AFF3: variants seen among roughly 807,000 people sequenced by gnomAD.
AFF3 encodes AF4/FMR2 family member 3.
Under a neutral mutation model 129.7 loss-of-function variants are expected in AFF3, and 32 were observed. That is an observed-to-expected ratio of 0.25 (90% CI 0.19 to 0.33). AFF3 has a LOEUF of 0.33. Ranked by LOEUF, AFF3 falls within the 10% of genes least tolerant of loss-of-function variation. The pLI is 1.00. For missense variants in AFF3, 1,373 were observed against 1,592.0 expected (o/e 0.86, Z 2.34); for synonymous variants, 644 against 635.4 (o/e 1.01, Z -0.20).
chr2:99,710,221 T>C (rs1677773097), intron 11 of AFF3, among the ~76,000 whole-genome samples: 1 of 152,232 alleles, frequency 6.6e-6, no homozygotes, highest in Admixed American at 6.5e-5. Context: ...TTATAAAGTA[T>C]TTAATACAGA....
rs1447335094 is a variant in AFF3, at chr2:99,547,028, T to C, written c.*4446A>G. 9.1e-6 allele frequency: 2 copies of C among 218,972 alleles called. No homozygotes were observed. Among genetic ancestry groups the C allele is most frequent in the Non-Finnish European group, 1.8e-5 (2 of 109,158 alleles). The allele number at this position is 218,972 out of a possible 1,614,324, so 13.6% of individuals were successfully genotyped here. ...AAAGACAAATAGTAAACTATAGTTA[T>C]AATGAAGAAAAACATACTTCTTTTC... On this transcript the variant is annotated 3_prime_UTR_variant, in exon 25 of 25. Coordinates refer to ENST00000672756, the MANE Select transcript of AFF3 (RefSeq NM_001386135.1).
At chr2:99,597,291 A>T (rs1457261398) in intron 14 of AFF3, among the ~76,000 whole-genome samples, 1 of 152,212 alleles carries the variant, frequency 6.6e-6, no homozygotes, top group Non-Finnish European at 1.5e-5. Context: ...AAAATGACAG[A>T]ATTAGATCTG....
chr2:99,631,103 G>A, intron 13 of AFF3: 1 of 342,068 alleles, frequency 2.9e-6, no homozygotes, highest in Non-Finnish European at 6.2e-6. Flanking sequence ...TGGCTCCTGG[G>A]AGTGCCTGGA....
At chr2:100,016,391 T>C (rs1223808309) in intron 4 of AFF3, among the ~76,000 whole-genome samples, 1 of 150,918 alleles carries the variant, frequency 6.6e-6, no homozygotes, top group Admixed American at 6.6e-5. Context: ...GTTGTGATAA[T>C]GGTGATGGCA....
intron 8 of AFF3, among the ~76,000 whole-genome samples, chr2:99,802,008 G>A (rs931579766): frequency 5.9e-5 from 9 of 151,902 alleles, no homozygotes; most frequent in African/African-American, 1.5e-4. Context: ...TACTGTAATC[G>A]GATTTAACTG....
intron 20 of AFF3, among the ~76,000 whole-genome samples, chr2:99,563,031 GA>G (rs1466845107): frequency 2.1e-5 from 1 of 48,168 alleles, no homozygotes; most frequent in Admixed American, 1.8e-4. Flanking sequence ...GTTCCCTGGT[GA>G]AGGGAATTCT....
At chr2:99,890,446 T>C (rs1035370082) in intron 7 of AFF3, among the ~76,000 whole-genome samples, 6 of 152,234 alleles carry the variant, frequency 3.9e-5, no homozygotes, top group African/African-American at 9.6e-5. Context: ...TAACAAATGA[T>C]TGAGATACAT....
intron 2 of AFF3, among the ~76,000 whole-genome samples, chr2:100,125,957 C>T (rs1692169424): frequency 6.6e-6 from 1 of 152,178 alleles, no homozygotes; most frequent in South Asian, 2.1e-4. Context: ...ACACTTGGGA[C>T]CAGGGTGCCA....
chr2:99,635,126 G>T (rs1683518737), intron 13 of AFF3, among the ~76,000 whole-genome samples: 1 of 150,066 alleles, frequency 6.7e-6, no homozygotes, highest in Non-Finnish European at 1.5e-5. Flanking sequence ...ATATCTCTAG[G>T]TATATGATAT....
chr2:100,062,709 G>C (rs956197980), intron 4 of AFF3, among the ~76,000 whole-genome samples: 1 of 152,148 alleles, frequency 6.6e-6, no homozygotes, highest in Non-Finnish European at 1.5e-5. Context: ...TCTGAGAAAA[G>C]CATCCTTGAC....
At chr2:99,688,801 G>A (rs1176050449) in intron 11 of AFF3, among the ~76,000 whole-genome samples, 1 of 152,100 alleles carries the variant, frequency 6.6e-6, no homozygotes, top group Non-Finnish European at 1.5e-5. Flanking sequence ...CTGCACTGTG[G>A]CTTCCTGGAG....
intron 4 of AFF3, among the ~76,000 whole-genome samples, chr2:100,014,820 G>A (rs1285009457): frequency 8.1e-6 from 1 of 122,792 alleles, no homozygotes; most frequent in South Asian, 2.5e-4. Context: ...GTCTCACTCT[G>A]TTGCCCAGGC....
intron 14 of AFF3, 34 bp from the exon 15 acceptor site, chr2:99,594,323 C>T: frequency 1.3e-6 from 2 of 1,573,138 alleles, no homozygotes; most frequent in East Asian, 4.5e-5. Flanking sequence ...AACAAAACAT[C>T]TTTCATTACA....
intron 8 of AFF3, among the ~76,000 whole-genome samples, chr2:99,771,896 T>C (rs936638419): frequency 6.6e-6 from 1 of 152,188 alleles, no homozygotes; most frequent in African/African-American, 2.4e-5. Flanking sequence ...GTTCCTTCAG[T>C]CTGCAAAACA....
chr2:99,643,760 T>C (rs1468405749), intron 13 of AFF3, among the ~76,000 whole-genome samples: 1 of 152,214 alleles, frequency 6.6e-6, no homozygotes, highest in East Asian at 1.9e-4. Flanking sequence ...CTATGGACCA[T>C]TTCTGATCTG....
intron 11 of AFF3, among the ~76,000 whole-genome samples, chr2:99,681,476 C>T (rs1022609142): frequency 6.6e-6 from 1 of 152,150 alleles, no homozygotes; most frequent in Non-Finnish European, 1.5e-5. Flanking sequence ...CTGAATGTTC[C>T]GTGTTCCCTC....
intron 8 of AFF3, among the ~76,000 whole-genome samples, chr2:99,827,033 T>G (rs1187310548): frequency 1.3e-5 from 2 of 152,036 alleles, no homozygotes; most frequent in Non-Finnish European, 2.9e-5. Context: ...CCCAACAGCA[T>G]GGACAGCCGG....
intron 11 of AFF3, among the ~76,000 whole-genome samples, chr2:99,692,476 G>T (rs1451922763): frequency 6.6e-6 from 1 of 152,182 alleles, no homozygotes; most frequent in African/African-American, 2.4e-5. Context: ...GTGAGTGATT[G>T]CAAAGGACAG....
At chr2:99,664,934 G>C (rs184128888) in intron 12 of AFF3, among the ~76,000 whole-genome samples, 1 of 152,244 alleles carries the variant, frequency 6.6e-6, no homozygotes, top group Non-Finnish European at 1.5e-5. Flanking sequence ...CTAACTGGGA[G>C]TTGATTAGAT....
Sources: gnomAD v4.1 joint callset for allele counts (sites outside exome capture counted in the v4.1 genomes callset) on GRCh38, gnomAD v4.1.1 for gene constraint, MANE v1.5 for transcripts, NCBI Gene and HGNC (gene_info 2026-07-23, HGNC 2026-07-21) for gene names.